The following PRKCA variants were observed in gnomAD, a reference collection of about 807,000 sequenced individuals.
PRKCA encodes protein kinase C alpha type.
A neutral mutation model predicts 87.0 loss-of-function variants in PRKCA; 27 were observed. That is an observed-to-expected ratio of 0.31 (90% CI 0.23 to 0.43). The LOEUF (loss-of-function observed/expected upper bound fraction) is 0.43. PRKCA is among the 20% of genes least tolerant of loss of function. PRKCA has a pLI of 1.00. For missense variants in PRKCA, 518 were observed against 852.3 expected (o/e 0.61, Z 4.88); for synonymous variants, 329 against 311.1 (o/e 1.06, Z -0.61).
At chr17:66,659,051 C>G (rs1971815161) in intron 5 of PRKCA, among the ~76,000 whole-genome samples, 1 of 152,228 alleles carries the variant, frequency 6.6e-6, no homozygotes, top group Non-Finnish European at 1.5e-5. Context: ...GGCTTAACCT[C>G]TCTTTGTTTC....
At chr17:66,548,109 T>C (rs1245448702) in intron 3 of PRKCA, among the ~76,000 whole-genome samples, 1 of 152,218 alleles carries the variant, frequency 6.6e-6, no homozygotes, top group Admixed American at 6.5e-5. Flanking sequence ...GGCTAGAGCC[T>C]GAGGGAGCTT....
At chr17:66,377,721 A>ATATT (rs1350881561) in intron 2 of PRKCA, among the ~76,000 whole-genome samples, 79 of 69,148 alleles carry the variant, frequency 1.1e-3, no homozygotes, top group African/African-American at 2.6e-3. Context: ...ATATATATAT[A>ATATT]TTTTTTTTTT....
chr17:66,503,467 T>C (rs1488121186), intron 3 of PRKCA, among the ~76,000 whole-genome samples: 3 of 152,176 alleles, frequency 2.0e-5, no homozygotes, highest in Non-Finnish European at 4.4e-5. Context: ...GGAGGCTTGC[T>C]TCAGACCTGG....
intron 2 of PRKCA, among the ~76,000 whole-genome samples, chr17:66,348,835 G>A (rs571733261): frequency 4.5e-4 from 69 of 152,258 alleles, no homozygotes; most frequent in African/African-American, 1.7e-3. Context: ...TGTGGATAAT[G>A]GAGTTGTAAA....
intron 3 of PRKCA, among the ~76,000 whole-genome samples, chr17:66,632,956 A>G (rs1971061384): frequency 6.6e-6 from 1 of 152,228 alleles, no homozygotes; most frequent in Admixed American, 6.5e-5. Flanking sequence ...ATCCAACTGT[A>G]TAGATGAGTG....
intron 3 of PRKCA, among the ~76,000 whole-genome samples, chr17:66,592,779 A>G (rs1053070749): frequency 1.3e-5 from 2 of 150,906 alleles, no homozygotes; most frequent in Admixed American, 1.3e-4. Flanking sequence ...AAAAACATCG[A>G]TTCATTTTTA....
chr17:66,605,066 C>T (rs557022243), intron 3 of PRKCA, among the ~76,000 whole-genome samples: 2 of 152,264 alleles, frequency 1.3e-5, no homozygotes, highest in Admixed American at 6.5e-5. Flanking sequence ...GCACTTGTCA[C>T]GTCATGGTGG....
intron 3 of PRKCA, among the ~76,000 whole-genome samples, chr17:66,595,894 C>A (rs972879771): frequency 3.3e-5 from 5 of 152,234 alleles, no homozygotes; most frequent in Admixed American, 2.0e-4. Flanking sequence ...TACCACCGAT[C>A]CCATGTTGTG....
intron 3 of PRKCA, among the ~76,000 whole-genome samples, chr17:66,503,929 T>A (rs1158183271): frequency 6.6e-6 from 1 of 152,224 alleles, no homozygotes; most frequent in Non-Finnish European, 1.5e-5. Context: ...ATTTTTATAT[T>A]CCTGAACTGA....
At chr17:66,625,592 A>G (rs2143716108) in intron 3 of PRKCA, among the ~76,000 whole-genome samples, 1 of 152,318 alleles carries the variant, frequency 6.6e-6, no homozygotes, top group East Asian at 1.9e-4. Context: ...GCTGCTTTAC[A>G]TTTTACCCTT....
At chr17:66,766,707 C>G (rs767768162) in intron 13 of PRKCA, among the ~76,000 whole-genome samples, 2 of 151,240 alleles carry the variant, frequency 1.3e-5, no homozygotes, top group Non-Finnish European at 2.9e-5. Flanking sequence ...ACTCAGGAGG[C>G]TGGGGCAGAA....
chr17:66,709,666 A>ATCCAGTTAAG (rs1973275922), intron 8 of PRKCA, among the ~76,000 whole-genome samples: 3 of 151,316 alleles, frequency 2.0e-5, no homozygotes, highest in African/African-American at 7.3e-5. Flanking sequence ...AAGGAAAGTT[A>ATCCAGTTAAG]TCCAGTTAAG....
intron 2 of PRKCA, among the ~76,000 whole-genome samples, chr17:66,456,982 ATGTC>A (rs748078373): frequency 1.1e-4 from 17 of 152,156 alleles, no homozygotes; most frequent in Non-Finnish European, 1.9e-4. Context: ...AATGTCATGA[ATGTC>A]TGAGTAGGGA....
intron 2 of PRKCA, among the ~76,000 whole-genome samples, chr17:66,433,481 A>G (rs1229059532): frequency 6.6e-6 from 1 of 152,176 alleles, no homozygotes; most frequent in Non-Finnish European, 1.5e-5. Flanking sequence ...TGGATGGAGT[A>G]GCTAAAGGAG....
intron 3 of PRKCA, among the ~76,000 whole-genome samples, chr17:66,590,721 G>T (rs930104065): frequency 6.6e-6 from 1 of 152,114 alleles, no homozygotes; most frequent in African/African-American, 2.4e-5. Context: ...ATGATGGCGG[G>T]TGCCTATAAT....
intron 3 of PRKCA, among the ~76,000 whole-genome samples, chr17:66,591,569 T>G (rs79833943): frequency 0.03 from 4,498 of 152,330 alleles, 230 homozygotes; most frequent in African/African-American, 0.1. Context: ...AAGATAGTTT[T>G]CATTCATTGT....
intron 2 of PRKCA, among the ~76,000 whole-genome samples, chr17:66,465,849 A>G (rs1028179336): frequency 6.6e-6 from 1 of 152,196 alleles, no homozygotes; most frequent in African/African-American, 2.4e-5. Context: ...GTAACATTTT[A>G]AATGCTTTTT....
chr17:66,577,895 C>T (rs573020024), intron 3 of PRKCA, among the ~76,000 whole-genome samples: 12 of 152,010 alleles, frequency 7.9e-5, no homozygotes, highest in African/African-American at 2.4e-4. Flanking sequence ...CATAAGTCAT[C>T]GTTTTCAATC....
At chr17:66,558,107 C>T (rs2143276609) in intron 3 of PRKCA, among the ~76,000 whole-genome samples, 1 of 152,330 alleles carries the variant, frequency 6.6e-6, no homozygotes, top group African/African-American at 2.4e-5. Context: ...TTCAGGAATG[C>T]TCGTGAAATG....
Sources: allele counts gnomAD v4.1 joint callset (sites outside exome capture counted in the v4.1 genomes callset), GRCh38; gene constraint gnomAD v4.1.1; transcripts MANE v1.5; gene names NCBI Gene and HGNC (gene_info 2026-07-23, HGNC 2026-07-21).